The following RAB38 variants were observed in gnomAD, a reference collection of about 807,000 sequenced individuals.
RAB38 encodes ras-related protein Rab-38.
Under a neutral mutation model 18.4 loss-of-function variants are expected in RAB38, and 15 were observed. The ratio of observed to expected loss-of-function variants is 0.82; its 90% CI spans 0.55 to 1.26. RAB38 has a LOEUF of 1.26. RAB38 is among the 50% of genes most tolerant of loss of function. The probability of loss-of-function intolerance (pLI) is 0.00; values close to 1 mark genes in which losing one functional copy is unlikely to be tolerated. For synonymous variants in RAB38, 101 were observed against 104.4 expected (o/e 0.97, Z 0.20); for missense variants, 294 against 267.4 (o/e 1.10, Z -0.69).
intron 2 of RAB38, among the ~76,000 whole-genome samples, chr11:88,128,544 T>C (rs1486871): frequency 0.86 from 130,878 of 152,206 alleles, 56,570 homozygotes; most frequent in Middle Eastern, 0.93. Flanking sequence ...AAGACTCAGG[T>C]TACTCCAGGA....
chr11:88,074,356 T>C, the RAB38 span, among the ~76,000 whole-genome samples: 1 of 152,098 alleles, frequency 6.6e-6, no homozygotes, highest in African/African-American at 2.4e-5. Flanking sequence ...GTATAGGCAA[T>C]ATAAAAATAT....
chr11:88,062,709 G>A, the RAB38 span, among the ~76,000 whole-genome samples: 2 of 152,152 alleles, frequency 1.3e-5, no homozygotes, highest in Non-Finnish European at 2.9e-5. Context: ...AGAGTCAAGA[G>A]ACTTAGTTTC....
At chr11:88,041,657 C>A in the RAB38 span, among the ~76,000 whole-genome samples, 601 of 152,064 alleles carry the variant, frequency 4.0e-3, 2 homozygotes, top group African/African-American at 0.014. Flanking sequence ...ATGCCTAGCC[C>A]GTGAAATTGA....
chr11:87,911,527 T>A, the RAB38 span, among the ~76,000 whole-genome samples: 6 of 152,186 alleles, frequency 3.9e-5, no homozygotes, highest in African/African-American at 1.4e-4. Flanking sequence ...TTTTGATGGT[T>A]CTGATTCTTT....
At chr11:87,818,993 A>G in the RAB38 span, among the ~76,000 whole-genome samples, 124 of 152,354 alleles carry the variant, frequency 8.1e-4, no homozygotes, top group African/African-American at 2.8e-3. Context: ...TTATAAATTT[A>G]TAAACTAGTA....
chr11:87,852,218 G>T, the RAB38 span, among the ~76,000 whole-genome samples: 5 of 152,088 alleles, frequency 3.3e-5, no homozygotes, highest in African/African-American at 7.2e-5. Context: ...GGAAAGGTCA[G>T]AAAATTATTC....
the RAB38 span, among the ~76,000 whole-genome samples, chr11:88,071,797 C>G: frequency 3.9e-5 from 6 of 152,148 alleles, no homozygotes; most frequent in African/African-American, 1.4e-4. Context: ...AGGATGAATT[C>G]AGGAACACCA....
intron 1 of RAB38, among the ~76,000 whole-genome samples, chr11:88,159,363 G>A (rs1943162342): frequency 6.6e-6 from 1 of 151,400 alleles, no homozygotes; most frequent in Admixed American, 6.6e-5. Context: ...AACATTCCAA[G>A]CTCATAGGTT....
intron 2 of RAB38, among the ~76,000 whole-genome samples, chr11:88,119,215 C>T (rs527397182): frequency 1.1e-4 from 16 of 152,170 alleles, no homozygotes; most frequent in African/African-American, 3.6e-4. Context: ...GGGGCCCTAC[C>T]TAGCATGAGC....
the RAB38 span, among the ~76,000 whole-genome samples, chr11:88,015,649 G>A: frequency 4.6e-5 from 7 of 152,158 alleles, no homozygotes; most frequent in East Asian, 1.9e-4. Flanking sequence ...AGTGAGTTAC[G>A]AAAACATTAC....
chr11:87,950,571 G>T, the RAB38 span, among the ~76,000 whole-genome samples: 1 of 152,060 alleles, frequency 6.6e-6, no homozygotes, highest in Non-Finnish European at 1.5e-5. Flanking sequence ...GCTCTTTTAA[G>T]GCAGGCCTGG....
chr11:87,977,597 G>GTATTA, the RAB38 span, among the ~76,000 whole-genome samples: 4 of 114,386 alleles, frequency 3.5e-5, no homozygotes, highest in African/African-American at 1.4e-4. Flanking sequence ...TAATAATTAT[G>GTATTA]TACTATACAA....
At chr11:87,969,867 T>G in the RAB38 span, among the ~76,000 whole-genome samples, 1 of 152,120 alleles carries the variant, frequency 6.6e-6, no homozygotes, top group African/African-American at 2.4e-5. Context: ...GATTTTAAGC[T>G]CCTATATATA....
At chr11:88,092,649 C>T in the RAB38 span, among the ~76,000 whole-genome samples, 5 of 151,466 alleles carry the variant, frequency 3.3e-5, no homozygotes, top group African/African-American at 1.2e-4. Context: ...ATATCTGAAC[C>T]ATGTCAAAGA....
At chr11:87,825,027 A>T in the RAB38 span, among the ~76,000 whole-genome samples, 327 of 150,214 alleles carry the variant, frequency 2.2e-3, 1 homozygote, top group Admixed American at 5.2e-3. Flanking sequence ...TGTGTGTGTG[A>T]GAGAGAGAGA....
chr11:87,835,611 T>G, the RAB38 span, among the ~76,000 whole-genome samples: 1 of 152,144 alleles, frequency 6.6e-6, no homozygotes, highest in African/African-American at 2.4e-5. Context: ...TCAGTATGAC[T>G]GCTACCCTTA....
chr11:88,110,435 T>C (rs1942457782), downstream of RAB38, among the ~76,000 whole-genome samples: 1 of 152,192 alleles, frequency 6.6e-6, no homozygotes, highest in East Asian at 1.9e-4. Flanking sequence ...GATGGGTTGA[T>C]GGGTGCAGCA....
the RAB38 span, among the ~76,000 whole-genome samples, chr11:87,938,588 T>A: frequency 6.6e-6 from 1 of 151,194 alleles, no homozygotes; most frequent in East Asian, 1.9e-4. Flanking sequence ...AAGGTTTTTT[T>A]TTCTTTCTTT....
At chr11:87,948,447 TGA>T in the RAB38 span, among the ~76,000 whole-genome samples, 1 of 151,876 alleles carries the variant, frequency 6.6e-6, no homozygotes, top group Non-Finnish European at 1.5e-5. Flanking sequence ...ATAGGAGTGG[TGA>T]GAGAGGGCAT....
Sources: allele counts gnomAD v4.1 joint callset (sites outside exome capture counted in the v4.1 genomes callset), GRCh38; gene constraint gnomAD v4.1.1; transcripts MANE v1.5; gene names NCBI Gene and HGNC (gene_info 2026-07-23, HGNC 2026-07-21).